The following USP21 variants were observed in gnomAD, a reference collection of about 807,000 sequenced individuals.
The protein encoded by USP21 is ubiquitin specific peptidase 21, also known as ubiquitin carboxyl-terminal hydrolase 21.
Under a neutral mutation model 70.8 loss-of-function variants are expected in USP21, and 37 were observed. That is an observed-to-expected ratio of 0.52 (90% CI 0.40 to 0.69). The LOEUF is 0.69. USP21 is among the 30% of genes least tolerant of loss of function. The pLI, the probability that USP21 is intolerant of heterozygous loss-of-function variation, is 0.00. For synonymous variants in USP21, 263 were observed against 283.1 expected (o/e 0.93, Z 0.71); for missense variants, 584 against 740.8 (o/e 0.79, Z 2.46).
rs958705021 is a variant in USP21, at chr1:161,165,599, C to T, written c.*152C>T. On this transcript the variant is annotated 3_prime_UTR_variant, in exon 14 of 14. Transcript: ENST00000368002. The stretch of plus-strand genomic sequence containing the variant: ...CCATTATTTTTTTTATTAAAAAATA[C>T]CCTTCCACCTGGAGGCTCCCTTGTC... 1 of 601,258 alleles carries T rather than the reference C, an allele frequency of 1.7e-6. No individual in the cohort carries two copies. Among genetic ancestry groups the T allele is most frequent in the Admixed American group, 3.0e-5 (1 of 33,798 alleles). The allele number at this position is 601,258 out of a possible 1,614,324, so 37.2% of individuals were successfully genotyped here. A position where few individuals can be genotyped will look rare whatever the true frequency, so the allele number is the denominator to read the frequency against.
rs1657954766 is a variant in USP21 at position 161,161,869 on chromosome 1, C to T, written c.601-169C>T. ...ACATTCAGCTGTGATGGGCTTACTG[C>T]TCATGACCAGTGAGGTAGGGAGACT... is the stretch of plus-strand genomic sequence containing the variant. On this transcript the variant is annotated intron_variant, in intron 3 of 13. Transcript: ENST00000368002. This position sits in a 1 kb window ranked among gnomAD's most constrained non-coding sequence, Gnocchi z 4.2. 1.5e-6 allele frequency: 1 copy of T among 682,340 alleles called. No homozygotes were observed. 42.3% of individuals were successfully genotyped at this position (682,340 alleles called of 1,614,324 possible). A position where few individuals can be genotyped will look rare whatever the true frequency, so the allele number is the denominator to read the frequency against.
chr1:161,160,521 A>G lies in USP21; in HGVS notation c.-22+15A>G. ...CAAGATTGTGGGTATGGAATGGGGC[A>G]AAGCAATAAGGGAAAATTAGTGTGG... On this transcript the variant is annotated intron_variant, in intron 2 of 13. Coordinates refer to ENST00000368002, the MANE Select transcript of USP21 (RefSeq NM_001014443.3). The G allele has an allele frequency of 1.6e-6, 2 of 1,282,458 alleles. No individual in the cohort carries two copies. Among genetic ancestry groups the G allele is most frequent in the East Asian group, 2.3e-5 (1 of 42,798 alleles). 79.4% of individuals were successfully genotyped at this position (1,282,458 alleles called of 1,614,324 possible).
intron 2 of USP21, 37 bp from the exon 3 acceptor site, chr1:161,160,583 C>A (rs1657824728): frequency 1.3e-6 from 2 of 1,567,428 alleles, no homozygotes; most frequent in East Asian, 2.3e-5. Context: ...CCCATTTCCC[C>A]CCATATTCAA....
rs1263519908 is a variant in USP21, at chr1:161,164,544, G to A, written c.1316G>A (p.Arg439Gln). ...TTGCCATTTATTCAGGTGTGTGACC[G>A]ATGTCGGCAGAAAACTCGAAGTACC... Reference protein sequence around the residue: ...LESENAPVCDRCRQKTRSTKK... With the variant: ...LESENAPVCDQCRQKTRSTKK... The change falls in exon 11 of 14, where the codon CGA becomes CAA. Residue 439 changes from arginine to glutamine, a missense_variant. Physicochemically the swap from Arg to Gln is conservative, Grantham distance 43. Around this residue, in one of 4 missense-constraint regions of USP21, gnomAD observed 173 missense variants for 268.2 expected, o/e 0.65. Transcript: ENST00000368002. The surrounding 1 kb of genome is among the most constrained non-coding windows in gnomAD (Gnocchi z 4.2). The A allele has an allele frequency of 2.5e-6, 4 of 1,614,052 alleles. No individual in the cohort carries two copies. Among genetic ancestry groups the A allele is most frequent in the Admixed American group, 1.7e-5 (1 of 60,004 alleles).
In USP21 at chr1:161,164,471, G is replaced by T; in HGVS notation, c.1306-63G>T. The stretch of plus-strand genomic sequence containing the variant: ...ATACTAAATTTGTATGTGGATCGGG[G>T]TGTCAGAAAAGCCAATTGAGGTTAG... On this transcript the variant is annotated intron_variant, in intron 10 of 13. Coordinates refer to ENST00000368002, the MANE Select transcript of USP21 (RefSeq NM_001014443.3). The surrounding 1 kb of genome is among the most constrained non-coding windows in gnomAD (Gnocchi z 4.2). The T allele has an allele frequency of 1.9e-6, 3 of 1,586,806 alleles. No homozygotes were observed. Among genetic ancestry groups the T allele is most frequent in the Non-Finnish European group, 2.6e-6 (3 of 1,155,574 alleles).
chr1:161,162,060 G>T lies in USP21; in HGVS notation c.623G>T (p.Gly208Val). 6.2e-7 allele frequency: 1 copy of T among 1,614,150 alleles called. No homozygotes were observed. The highest frequency in any genetic ancestry group is 8.5e-7 in the Non-Finnish European group (1 of 1,180,032). Residue 208 changes from glycine to valine, a missense_variant, in exon 4 of 14, where the codon GGC (glycine) becomes GTC (valine). Around this residue, in one of 4 missense-constraint regions of USP21, gnomAD observed 87 missense variants for 162.4 expected, o/e 0.54. Coordinates refer to ENST00000368002, the MANE Select transcript of USP21 (RefSeq NM_001014443.3). This position sits in a 1 kb window ranked among gnomAD's most constrained non-coding sequence, Gnocchi z 4.1. ...DKMAHHTLLL[G>V]SGHVGLRNLG... ...CAGGCTCATCACACACTCCTTCTGG[G>T]CTCTGGTCATGTTGGCCTTCGAAAC...
At chr1:161,163,518 C>T in intron 7 of USP21, 37 bp from the exon 8 acceptor site, 1 of 1,607,138 alleles carries the variant, frequency 6.2e-7, no homozygotes, top group South Asian at 1.1e-5. Context: ...TTCCTGCTGT[C>T]TCATGGGTGC....
At position 161,164,005 on chromosome 1, in the gene USP21, G is replaced by A; in HGVS notation, c.1218+24G>A. 1 of 1,611,154 alleles carries A rather than the reference G, an allele frequency of 6.2e-7. No individual in the cohort carries two copies. Among genetic ancestry groups the A allele is most frequent in the Non-Finnish European group, 8.5e-7 (1 of 1,177,296 alleles). ...AGGTGGGATTCCAGAGGATTCCGGG[G>A]TGGACAGGACAGGGGCTCTGTGACC... On this transcript the variant is annotated intron_variant, in intron 9 of 13. Transcript: ENST00000368002. This position sits in a 1 kb window ranked among gnomAD's most constrained non-coding sequence, Gnocchi z 4.2.
chr1:161,162,240 G>T lies in USP21; in HGVS notation c.661-30G>T, dbSNP rs148184485. On this transcript the variant is annotated intron_variant, in intron 4 of 13. Transcript: ENST00000368002. The surrounding 1 kb of genome is among the most constrained non-coding windows in gnomAD (Gnocchi z 4.1). ...GGCTTCCTGGGCAGTGGTCTGGAGA[G>T]ATAACAGCAGTGTCCCTACTGCTCC... 193 of 1,607,504 alleles carry T rather than the reference G, an allele frequency of 1.2e-4. No homozygotes were observed. The Middle Eastern group carries it at 2.2e-3, about 18-fold the overall frequency.
intron 7 of USP21, 50 bp downstream of exon 7, chr1:161,163,124 T>TCA: frequency 1.3e-6 from 2 of 1,537,832 alleles, no homozygotes; most frequent in Non-Finnish European, 1.8e-6. Flanking sequence ...TCAGCATCAT[T>TCA]CACACTTCAT....
At chr1:161,159,881 C>T (rs1202212263) in intron 1 of USP21, among the ~76,000 whole-genome samples, 1 of 152,188 alleles carries the variant, frequency 6.6e-6, no homozygotes, top group Non-Finnish European at 1.5e-5. Flanking sequence ...CCTTTCTGCC[C>T]TCGAGGGGGG....
In USP21 at chr1:161,162,491, C is replaced by A; in HGVS notation, c.781+101C>A. The stretch of plus-strand genomic sequence containing the variant: ...GGTGGCCCCCAACCCTTAAATCTGG[C>A]AGTTGTATCTACTTTTCCCAGTGCC... On this transcript the variant is annotated intron_variant, in intron 5 of 13. Transcript: ENST00000368002. The surrounding 1 kb of genome is among the most constrained non-coding windows in gnomAD (Gnocchi z 4.1). 1 of 1,551,230 alleles carries A rather than the reference C, an allele frequency of 6.4e-7. No individual in the cohort carries two copies. Among genetic ancestry groups the A allele is most frequent in the Non-Finnish European group, 8.8e-7 (1 of 1,136,052 alleles).
chr1:161,164,238 G>A lies in USP21; in HGVS notation c.1293G>A (p.Ser431=), dbSNP rs776411574. 91 of 1,614,064 alleles carry A rather than the reference G, an allele frequency of 5.6e-5. No individual in the cohort carries two copies. Among genetic ancestry groups the A allele is most frequent in the South Asian group, 4.5e-4 (41 of 91,080 alleles). ...NLFTKEEELE[S]ENAPVCDRCR... is the part of the protein sequence containing the mutation. ...TCACTAAGGAAGAAGAGCTAGAGTC[G>A]GAGAATGCCCCAGTATGTGGAGGTT... Residue 431 remains serine (S), a synonymous_variant, in exon 10 of 14, where the codon TCG becomes TCA. Coordinates refer to ENST00000368002, the MANE Select transcript of USP21 (RefSeq NM_001014443.3). The surrounding 1 kb of genome is among the most constrained non-coding windows in gnomAD (Gnocchi z 4.2).
At position 161,165,386 on chromosome 1, in the gene USP21, C is replaced by T; in HGVS notation, c.1637C>T (p.Ala546Val). The change falls in exon 14 of 14, where the codon GCA becomes GTA. Residue 546 changes from alanine (A) to valine (V), a missense_variant. Coordinates refer to ENST00000368002, the MANE Select transcript of USP21 (RefSeq NM_001014443.3). ...TCCCCTGTCAGTGAAAACCAGGTGGCATCCAGCGAGGGCTACGTGCTGTTC... is the reference window on the plus strand; with the variant it reads ...TCCCCTGTCAGTGAAAACCAGGTGGTATCCAGCGAGGGCTACGTGCTGTTC... ...RVSPVSENQV[A>V]SSEGYVLFYQ... is the part of the protein sequence containing the mutation. 1 of 1,614,128 alleles carries T rather than the reference C, an allele frequency of 6.2e-7. No homozygotes were observed. The highest frequency in any genetic ancestry group is 8.5e-7 in the Non-Finnish European group (1 of 1,180,000).
chr1:161,162,961 G>A lies in USP21; in HGVS notation c.936G>A (p.Arg312=), dbSNP rs1658055451. The change falls in exon 7 of 14, where the codon CGG becomes CGA. Residue 312 remains arginine (R), a synonymous_variant. Transcript: ENST00000368002. The surrounding 1 kb of genome is among the most constrained non-coding windows in gnomAD (Gnocchi z 4.1). ...AGTTCCTGAAGCTCCTCATGGAGCG[G>A]CTACACCTTGAAATCAACCGCCGAG... ...AQEFLKLLME[R]LHLEINRRGR... is the part of the protein sequence containing the mutation. 2 of 1,613,622 alleles carry A rather than the reference G, an allele frequency of 1.2e-6. No homozygotes were observed. Among genetic ancestry groups the A allele is most frequent in the South Asian group, 2.2e-5 (2 of 91,058 alleles).
In USP21 at chr1:161,160,905, C is replaced by G; in HGVS notation, c.265C>G (p.Pro89Ala). 1 of 1,614,242 alleles carries G rather than the reference C, an allele frequency of 6.2e-7. No individual in the cohort carries two copies. Among genetic ancestry groups the G allele is most frequent in the African/African-American group, 1.3e-5 (1 of 75,068 alleles). Reference protein sequence around the residue: ...RGPLRADHGVPLPGSPPPTVA... With the variant: ...RGPLRADHGVALPGSPPPTVA... ...CCCCCTTCGAGCAGATCATGGGGTT[C>G]CCCTGCCTGGCTCACCACCCCCAAC... is the stretch of plus-strand genomic sequence containing the variant. The change falls in exon 3 of 14, where the codon CCC becomes GCC. Residue 89 changes from proline to alanine, a missense_variant. Coordinates refer to ENST00000368002, the MANE Select transcript of USP21 (RefSeq NM_001014443.3).
At chr1:161,163,689 C>A (rs997561360) in intron 8 of USP21, 70 bp downstream of exon 8, 2 of 1,511,606 alleles carry the variant, frequency 1.3e-6, no homozygotes, top group East Asian at 4.5e-5. Flanking sequence ...GGGGAAAAAT[C>A]GATACTATCA....
intron 8 of USP21, 54 bp downstream of exon 8, chr1:161,163,673 G>A (rs1308257694): frequency 1.9e-5 from 24 of 1,245,122 alleles, no homozygotes; most frequent in Non-Finnish European, 2.7e-5. Flanking sequence ...GGGGGTACAG[G>A]CTTGGGGGGA....
Position 161,164,264 on chromosome 1 carries a change from C to A in USP21, c.1305+14C>A. 6.2e-7 allele frequency: 1 copy of A among 1,613,082 alleles called. No individual in the cohort carries two copies. Among genetic ancestry groups the A allele is most frequent in the South Asian group, 1.1e-5 (1 of 91,020 alleles). On this transcript the variant is annotated intron_variant, in intron 10 of 13. Transcript: ENST00000368002. This position sits in a 1 kb window ranked among gnomAD's most constrained non-coding sequence, Gnocchi z 4.2. The stretch of plus-strand genomic sequence containing the variant: ...GAGAATGCCCCAGTATGTGGAGGTT[C>A]ACAAGGGATACAGTAAGGGTGGGAG...
Sources: allele counts gnomAD v4.1 joint callset (sites outside exome capture counted in the v4.1 genomes callset), GRCh38; gene constraint gnomAD v4.1.1; regional missense constraint gnomAD v4.1.1; non-coding constraint Gnocchi (gnomAD v3.1); transcripts MANE v1.5; gene names NCBI Gene and HGNC (gene_info 2026-07-23, HGNC 2026-07-21).